The following TENM2 variants were observed in gnomAD, a reference collection of about 807,000 sequenced individuals.
TENM2 encodes teneurin-2.
TENM2 carries 52 observed loss-of-function variants against 245.2 expected under a neutral mutation model. The observed-to-expected ratio is 0.21, with a 90% CI of 0.17 to 0.27. The LOEUF (loss-of-function observed/expected upper bound fraction) is 0.27. TENM2 is among the 10% of genes least tolerant of loss of function. TENM2 has a pLI of 1.00. For synonymous variants in TENM2, 1,363 were observed against 1,438.9 expected (o/e 0.95, Z 1.19); for missense variants, 3,046 against 3,666.8 (o/e 0.83, Z 4.37).
intron 9 of TENM2, among the ~76,000 whole-genome samples, chr5:168,115,064 C>T (rs550659404): frequency 5.9e-5 from 9 of 152,108 alleles, no homozygotes; most frequent in African/African-American, 7.2e-5. Context: ...GAGGCCAAGG[C>T]GGGTGGATCA....
intron 25 of TENM2, among the ~76,000 whole-genome samples, chr5:168,236,609 G>A (rs1037559181): frequency 6.6e-6 from 1 of 151,992 alleles, no homozygotes; most frequent in Admixed American, 6.6e-5. Context: ...CCTTCCCTGT[G>A]TCTACTGCCA....
intron 6 of TENM2, among the ~76,000 whole-genome samples, chr5:168,053,428 G>C (rs1177531225): frequency 6.6e-6 from 1 of 152,088 alleles, no homozygotes; most frequent in Non-Finnish European, 1.5e-5. Flanking sequence ...TTTCAGAATT[G>C]ACTTGTACAC....
chr5:168,190,080 A>G (rs1760812685), intron 13 of TENM2, among the ~76,000 whole-genome samples: 1 of 152,250 alleles, frequency 6.6e-6, no homozygotes, highest in African/African-American at 2.4e-5. Flanking sequence ...GAAAAGCACA[A>G]TAAAGAAGAG....
rs143073590 is a variant in TENM2 at position 168,024,037 on chromosome 5, A to G, written c.1187-23390A>G. On this transcript the variant is annotated intron_variant, in intron 5 of 28. Coordinates refer to ENST00000518659, the Ensembl canonical transcript of TENM2. ...CATACATATGCATTTATAGATGGAT[A>G]GAGAGATGAATAGATAGACCGACAT... 2.3e-4 allele frequency among the ~76,000 whole-genome samples: 35 copies of G among 152,332 alleles called. 1 individual carries two copies. In the East Asian group the frequency reaches 6.2e-3, roughly 27 times the overall value.
chr5:167,344,309 C>CACAT (rs1554136979), intron 1 of TENM2, among the ~76,000 whole-genome samples: 101 of 84,532 alleles, frequency 1.2e-3, no homozygotes, highest in African/African-American at 2.9e-3. Context: ...CACACACACA[C>CACAT]ATATATATAT....
chr5:167,532,171 G>A lies in TENM2; in HGVS notation c.502+156698G>A, dbSNP rs181597074. Among the ~76,000 whole-genome samples, 4 of 152,146 alleles carry A rather than the reference G, an allele frequency of 2.6e-5. No individual in the cohort carries two copies. In the East Asian group the frequency reaches 7.8e-4, roughly 29 times the overall value. ...GGCAAATAAATTGCCTGACGTCTTA[G>A]GATCATGAAAGTTGTTCTTTGTCTC... is the stretch of plus-strand genomic sequence containing the variant. On this transcript the variant is annotated intron_variant, in intron 2 of 28. Coordinates refer to ENST00000518659, the Ensembl canonical transcript of TENM2.
intron 3 of TENM2, among the ~76,000 whole-genome samples, chr5:167,898,960 C>G (rs575064124): frequency 3.3e-5 from 5 of 151,714 alleles, no homozygotes; most frequent in African/African-American, 7.3e-5. Flanking sequence ...ATCCAACAGA[C>G]AGCTGAAACT....
At chr5:167,678,970 C>T (rs1477159853) in intron 2 of TENM2, among the ~76,000 whole-genome samples, 1 of 152,010 alleles carries the variant, frequency 6.6e-6, no homozygotes, top group Non-Finnish European at 1.5e-5. Flanking sequence ...TTATTCTCGC[C>T]ATGATGACTG....
chr5:167,487,934 G>C (rs1287669296), intron 2 of TENM2, among the ~76,000 whole-genome samples: 1 of 152,106 alleles, frequency 6.6e-6, no homozygotes, highest in South Asian at 2.1e-4. Context: ...GTCATAGAAG[G>C]TATAATTTAT....
chr5:167,223,031 A>T, the TENM2 span, among the ~76,000 whole-genome samples: 15 of 152,174 alleles, frequency 9.9e-5, no homozygotes, highest in East Asian at 2.9e-3. Context: ...GATTTTTTTT[A>T]TTCTAAGTAG....
At chr5:167,285,961 G>T (rs139868111) in intron 1 of TENM2, among the ~76,000 whole-genome samples, 3 of 152,254 alleles carry the variant, frequency 2.0e-5, no homozygotes, top group African/African-American at 7.2e-5. Flanking sequence ...TGTTGCAATG[G>T]GTTTAATTTC....
At chr5:166,996,422 CATAA>C in the TENM2 span, among the ~76,000 whole-genome samples, 2 of 152,172 alleles carry the variant, frequency 1.3e-5, no homozygotes, top group East Asian at 1.9e-4. Flanking sequence ...TGCCTGCATC[CATAA>C]ATAAAGTTTA....
chr5:167,316,833 A>C (rs1756392094), intron 1 of TENM2, among the ~76,000 whole-genome samples: 1 of 152,174 alleles, frequency 6.6e-6, no homozygotes, highest in African/African-American at 2.4e-5. Flanking sequence ...TTACAGTTAG[A>C]ATCTGGTACT....
chr5:168,104,215 GACGAGGTTTC>G (rs1268784715), intron 9 of TENM2, among the ~76,000 whole-genome samples: 2 of 152,034 alleles, frequency 1.3e-5, no homozygotes, highest in African/African-American at 2.4e-5. Flanking sequence ...TTTTCATAGA[GACGAGGTTTC>G]ACCATGTCAG....
rs1766378723 is a variant in TENM2 at position 168,244,536 on chromosome 5, C to T, written c.5637C>T (p.Pro1879=). The T allele has an allele frequency of 6.2e-7, 1 of 1,612,562 alleles. No homozygotes were observed. The highest frequency in any genetic ancestry group is 8.5e-7 in the Non-Finnish European group (1 of 1,179,096). The stretch of plus-strand genomic sequence containing the variant: ...TCATTTATGACCAGGTGGGCCGCCC[C>T]TTCCTCTGGCTGCCCAGCAGCGGGC... The change falls in exon 26 of 29, where the codon CCC becomes CCT. Residue 1879 remains proline (P), a synonymous_variant. Transcript: ENST00000518659. The surrounding 1 kb of genome is among the most constrained non-coding windows in gnomAD (Gnocchi z 4.9).
At chr5:168,220,866 C>G (rs555793181) in intron 23 of TENM2, among the ~76,000 whole-genome samples, 3 of 152,246 alleles carry the variant, frequency 2.0e-5, no homozygotes, top group Non-Finnish European at 4.4e-5. Flanking sequence ...AATTTCTGCA[C>G]TTTGGGAGGC....
the TENM2 span, among the ~76,000 whole-genome samples, chr5:167,171,356 G>A: frequency 6.6e-6 from 1 of 152,144 alleles, no homozygotes; most frequent in Non-Finnish European, 1.5e-5. Context: ...ACCTGCCTAT[G>A]TGTGTGATCT....
At chr5:167,483,910 T>C (rs957977667) in intron 2 of TENM2, among the ~76,000 whole-genome samples, 2 of 152,210 alleles carry the variant, frequency 1.3e-5, no homozygotes, top group Admixed American at 6.5e-5. Context: ...TTTGGCAGTT[T>C]GACATTTCAT....
chr5:167,557,120 G>A (rs6886928), intron 2 of TENM2, among the ~76,000 whole-genome samples: 20,744 of 152,188 alleles, frequency 0.14, 1,823 homozygotes, highest in East Asian at 0.32. Flanking sequence ...CGTGTACACA[G>A]ACCATTGGCA....
Sources: allele counts gnomAD v4.1 joint callset (sites outside exome capture counted in the v4.1 genomes callset), GRCh38; gene constraint gnomAD v4.1.1; non-coding constraint Gnocchi (gnomAD v3.1); transcripts MANE v1.5; gene names NCBI Gene and HGNC (gene_info 2026-07-23, HGNC 2026-07-21).